The following GNAQ variants were observed in gnomAD, a reference collection of about 807,000 sequenced individuals.
GNAQ encodes the protein guanine nucleotide-binding protein G(q) subunit alpha.
In GNAQ, 8 loss-of-function variants were observed where a neutral mutation model predicts 43.9. That is an observed-to-expected ratio of 0.18 (90% CI 0.11 to 0.33). GNAQ has a LOEUF of 0.33. Among genes scored for constraint, GNAQ ranks in the 10% least tolerant of loss-of-function variants. GNAQ has a pLI of 1.00. For missense variants in GNAQ, 158 were observed against 450.8 expected, an observed-to-expected ratio of 0.35 and a Z score of 5.88; for synonymous variants, 155 against 170.7, an observed-to-expected ratio of 0.91 and a Z score of 0.71.
At chr9:77,924,666 A>C (rs1189203578) in intron 1 of GNAQ, among the ~76,000 whole-genome samples, 4 of 152,184 alleles carry the variant, frequency 2.6e-5, no homozygotes, top group Non-Finnish European at 5.9e-5. Flanking sequence ...GGATCTAGTC[A>C]CCAAGCCCCT....
intron 2 of GNAQ, among the ~76,000 whole-genome samples, chr9:77,875,056 G>A (rs1828106812): frequency 6.6e-6 from 1 of 152,148 alleles, no homozygotes; most frequent in South Asian, 2.1e-4. Context: ...GACCCACTGA[G>A]ATTCTGAAAA....
At chr9:77,932,078 A>G (rs1028673524) in intron 1 of GNAQ, among the ~76,000 whole-genome samples, 1 of 152,212 alleles carries the variant, frequency 6.6e-6, no homozygotes, top group African/African-American at 2.4e-5. Context: ...TCATTAACAG[A>G]ACTATGTTGC....
intron 1 of GNAQ, among the ~76,000 whole-genome samples, chr9:78,017,371 T>C (rs915597501): frequency 7.2e-5 from 11 of 152,180 alleles, no homozygotes; most frequent in African/African-American, 2.7e-4. Flanking sequence ...GAGGAAACAC[T>C]AAACAGCCAT....
chr9:77,762,674 A>G (rs1349127433), intron 5 of GNAQ, among the ~76,000 whole-genome samples: 3 of 151,860 alleles, frequency 2.0e-5, no homozygotes, highest in East Asian at 3.9e-4. Context: ...AGGTGGGGAA[A>G]AGATTGAGAA....
At chr9:77,976,681 C>T (rs927106169) in intron 1 of GNAQ, among the ~76,000 whole-genome samples, 7 of 152,328 alleles carry the variant, frequency 4.6e-5, no homozygotes, top group Middle Eastern at 3.4e-3. Context: ...TGAGCCAACA[C>T]GCCCGGCCCA....
chr9:77,840,224 T>C (rs1191940467), intron 2 of GNAQ, among the ~76,000 whole-genome samples: 1 of 152,200 alleles, frequency 6.6e-6, no homozygotes, highest in Non-Finnish European at 1.5e-5. Flanking sequence ...TTGGTATACT[T>C]CTAAATAGAA....
chr9:77,971,004 A>G (rs1015091019), intron 1 of GNAQ, among the ~76,000 whole-genome samples: 1 of 152,210 alleles, frequency 6.6e-6, no homozygotes, highest in Non-Finnish European at 1.5e-5. Flanking sequence ...AAACCCCTCT[A>G]CACAAATAAA....
At chr9:77,905,217 A>G (rs1425939300) in intron 2 of GNAQ, among the ~76,000 whole-genome samples, 1 of 152,226 alleles carries the variant, frequency 6.6e-6, no homozygotes, top group Non-Finnish European at 1.5e-5. Flanking sequence ...TCATAACATT[A>G]CCATTAATAG....
At chr9:77,849,148 C>T (rs1564129470) in intron 2 of GNAQ, among the ~76,000 whole-genome samples, 2 of 152,138 alleles carry the variant, frequency 1.3e-5, no homozygotes, top group East Asian at 3.9e-4. Context: ...ACAGCACCCC[C>T]TGCTCCAGCC....
At chr9:77,815,970 C>T (rs1827007495) in intron 2 of GNAQ, among the ~76,000 whole-genome samples, 200 bp from the exon 3 acceptor site, 1 of 152,008 alleles carries the variant, frequency 6.6e-6, no homozygotes, top group African/African-American at 2.4e-5. Context: ...CTAGAGTAAA[C>T]CTTGATGCTA....
At chr9:77,967,981 A>C (rs7863753) in intron 1 of GNAQ, among the ~76,000 whole-genome samples, 43,233 of 150,338 alleles carry the variant, frequency 0.29, 6,318 homozygotes, top group South Asian at 0.44. Flanking sequence ...ACTCCATCTA[A>C]AAAAAATAAT....
At chr9:77,764,133 T>G (rs1228460107) in intron 5 of GNAQ, among the ~76,000 whole-genome samples, 2 of 152,168 alleles carry the variant, frequency 1.3e-5, no homozygotes, top group African/African-American at 4.8e-5. Context: ...CCTATACTCC[T>G]AAACAAGAAA....
chr9:77,824,155 T>C (rs1034780294), intron 2 of GNAQ, among the ~76,000 whole-genome samples: 8 of 152,330 alleles, frequency 5.3e-5, no homozygotes, highest in African/African-American at 1.9e-4. Context: ...ATTATGTATT[T>C]AACTATTTCA....
chr9:78,027,538 A>G (rs1244204366), intron 1 of GNAQ, among the ~76,000 whole-genome samples: 1 of 152,012 alleles, frequency 6.6e-6, no homozygotes, highest in Non-Finnish European at 1.5e-5. Context: ...TCCATTTAAG[A>G]CTGGCCTGTC....
chr9:77,934,185 A>T (rs1351249837), intron 1 of GNAQ, among the ~76,000 whole-genome samples: 1 of 151,076 alleles, frequency 6.6e-6, no homozygotes, highest in Non-Finnish European at 1.5e-5. Context: ...AACGATCCGC[A>T]CATAGCCACT....
rs1353279507 is a variant in GNAQ at position 77,925,958 on chromosome 9, C to T, written c.137-3613G>A. Among the ~76,000 whole-genome samples, 3 of 152,076 alleles carry T rather than the reference C, an allele frequency of 2.0e-5. 1 individual carries two copies. The highest frequency in any genetic ancestry group is 4.4e-5 in the Non-Finnish European group (3 of 68,018). On this transcript the variant is annotated intron_variant, in intron 1 of 6. Transcript: ENST00000286548. ...TATAATACCTAATACAATGTAAATG[C>T]TATGTAAATAGTTGTCATACTGTAT...
At chr9:77,820,087 C>CAA (rs3083136) in intron 2 of GNAQ, among the ~76,000 whole-genome samples, 6 of 104,982 alleles carry the variant, frequency 5.7e-5, no homozygotes, top group East Asian at 2.9e-4. Flanking sequence ...ATTTAAAATG[C>CAA]AAAAAAAAAA....
chr9:77,879,654 A>G (rs1828180178), intron 2 of GNAQ, among the ~76,000 whole-genome samples: 1 of 152,266 alleles, frequency 6.6e-6, no homozygotes, highest in Non-Finnish European at 1.5e-5. Flanking sequence ...ATCACTTGAT[A>G]TCTAATGGAT....
intron 1 of GNAQ, among the ~76,000 whole-genome samples, chr9:78,018,080 A>C (rs1488469612): frequency 3.3e-5 from 5 of 152,136 alleles, no homozygotes; most frequent in Non-Finnish European, 7.4e-5. Flanking sequence ...TATTCTAACA[A>C]AATTATGTGT....
Sources: gnomAD v4.1 joint callset for allele counts (sites outside exome capture counted in the v4.1 genomes callset) on GRCh38, gnomAD v4.1.1 for gene constraint, MANE v1.5 for transcripts, NCBI Gene and HGNC (gene_info 2026-07-23, HGNC 2026-07-21) for gene names.